LRRC7: variants seen among roughly 807,000 people sequenced by gnomAD.
LRRC7 encodes the protein leucine rich repeat containing 7, also known as leucine-rich repeat-containing protein 7.
LRRC7 carries 23 observed loss-of-function variants against 175.7 expected under a neutral mutation model. That is an observed-to-expected ratio of 0.13 (90% CI 0.09 to 0.19). The LOEUF is 0.19. Among genes scored for constraint, LRRC7 ranks in the 10% least tolerant of loss-of-function variants. The pLI is 1.00. For missense variants in LRRC7, 1,354 were observed against 1,904.7 expected, an observed-to-expected ratio of 0.71 and a Z score of 5.38; for synonymous variants, 685 against 680.9, an observed-to-expected ratio of 1.01 and a Z score of -0.09.
At chr1:69,614,218 G>A (rs767247353) in intron 1 of LRRC7, among the ~76,000 whole-genome samples, 31 of 151,948 alleles carry the variant, frequency 2.0e-4, no homozygotes, top group Non-Finnish European at 4.6e-4. Context: ...AGGAGCATTT[G>A]TTAATCACCT....
intron 2 of LRRC7, among the ~76,000 whole-genome samples, chr1:69,738,867 G>A (rs768923915): frequency 1.3e-5 from 2 of 152,008 alleles, no homozygotes; most frequent in East Asian, 1.9e-4. Context: ...AAGTAGATAG[G>A]CAGGAGAAAG....
chr1:69,648,908 C>T lies in LRRC7; in HGVS notation c.3-29473C>T, dbSNP rs137991370. Among the ~76,000 whole-genome samples the T allele has an allele frequency of 7.3e-3, 1,113 of 151,732 alleles. 11 individuals carry two copies. Among genetic ancestry groups the T allele is most frequent in the African/African-American group, 0.025 (1,043 of 41,320 alleles). On this transcript the variant is annotated intron_variant, in intron 1 of 26. Coordinates refer to ENST00000651989, the MANE Select transcript of LRRC7 (RefSeq NM_001370785.2). ...ACAAATAGTATATTTAAAGGTATCA[C>T]TATGAGAAAAGGCAAATGGGATTGT...
At chr1:70,019,831 TTAAG>T (rs1657296711) in intron 15 of LRRC7, among the ~76,000 whole-genome samples, 1 of 152,050 alleles carries the variant, frequency 6.6e-6, no homozygotes, top group African/African-American at 2.4e-5. Flanking sequence ...AAGAGACATC[TTAAG>T]TAAGGATTAT....
chr1:70,080,916 T>G (rs950964332), intron 24 of LRRC7, among the ~76,000 whole-genome samples: 7 of 152,196 alleles, frequency 4.6e-5, no homozygotes, highest in African/African-American at 1.7e-4. Context: ...CTATTAGATC[T>G]CTCCTTTGTG....
chr1:70,006,270 G>GT (rs938686419), intron 11 of LRRC7, among the ~76,000 whole-genome samples: 8 of 152,098 alleles, frequency 5.3e-5, no homozygotes, highest in African/African-American at 1.9e-4. Context: ...CAGTCAAAAT[G>GT]TTTTTTTAAT....
intron 25 of LRRC7, among the ~76,000 whole-genome samples, chr1:70,105,686 G>T (rs1665096438): frequency 6.6e-6 from 1 of 152,054 alleles, no homozygotes; most frequent in Admixed American, 6.6e-5. Flanking sequence ...TTATTAGACT[G>T]TTAAGTATAG....
intron 24 of LRRC7, among the ~76,000 whole-genome samples, chr1:70,076,614 G>A (rs1250380865): frequency 1.3e-5 from 2 of 152,190 alleles, no homozygotes; most frequent in Non-Finnish European, 2.9e-5. Context: ...GATTTTGAAT[G>A]TTATAAAGGA....
intron 1 of LRRC7, among the ~76,000 whole-genome samples, chr1:69,651,264 G>C (rs1451476636): frequency 6.6e-6 from 1 of 151,572 alleles, no homozygotes; most frequent in African/African-American, 2.4e-5. Context: ...GTTTAACCTG[G>C]TTTACAAATC....
At chr1:69,818,270 T>C (rs1200002616) in intron 4 of LRRC7, among the ~76,000 whole-genome samples, 2 of 152,120 alleles carry the variant, frequency 1.3e-5, no homozygotes, top group Non-Finnish European at 2.9e-5. Context: ...GCTTTTATTG[T>C]GTTGAAGTAC....
intron 1 of LRRC7, among the ~76,000 whole-genome samples, chr1:69,606,401 C>G (rs181193254): frequency 6.6e-6 from 1 of 152,106 alleles, no homozygotes; most frequent in Admixed American, 6.6e-5. Context: ...TTACTTTGCT[C>G]AAATATCATA....
At chr1:69,858,459 TA>T (rs965041563) in intron 7 of LRRC7, among the ~76,000 whole-genome samples, 10 of 151,498 alleles carry the variant, frequency 6.6e-5, no homozygotes, top group East Asian at 1.9e-4. Context: ...AGTATAATAA[TA>T]AAAAAAAATC....
At chr1:69,877,359 AG>A (rs983015201) in intron 7 of LRRC7, among the ~76,000 whole-genome samples, 6 of 152,296 alleles carry the variant, frequency 3.9e-5, no homozygotes, top group Admixed American at 6.5e-5. Context: ...AGGCCAAGGC[AG>A]GAGGATCACT....
chr1:69,834,960 T>A (rs1021336594), intron 6 of LRRC7, 91 bp downstream of exon 6: 11 of 966,176 alleles, frequency 1.1e-5, no homozygotes, highest in African/African-American at 1.7e-5. Flanking sequence ...AAAGTGTCAG[T>A]TGTGATTAAA....
At chr1:69,769,786 C>A (rs1672019341) in intron 3 of LRRC7, among the ~76,000 whole-genome samples, 1 of 152,022 alleles carries the variant, frequency 6.6e-6, no homozygotes. Context: ...AAAATAAAGA[C>A]AAATATAACA....
At chr1:69,755,669 A>G (rs1180132635) in intron 2 of LRRC7, among the ~76,000 whole-genome samples, 2 of 151,826 alleles carry the variant, frequency 1.3e-5, no homozygotes, top group Non-Finnish European at 2.9e-5. Flanking sequence ...CCTTCTTAGA[A>G]TCTTGGAAAT....
intron 22 of LRRC7, among the ~76,000 whole-genome samples, chr1:70,046,472 C>A (rs986475466): frequency 6.6e-6 from 1 of 151,980 alleles, no homozygotes; most frequent in Non-Finnish European, 1.5e-5. Flanking sequence ...AAAGACTCCA[C>A]CTCAAAATAA....
At chr1:69,879,170 CTG>C (rs1430889622) in intron 7 of LRRC7, among the ~76,000 whole-genome samples, 2 of 135,284 alleles carry the variant, frequency 1.5e-5, no homozygotes, top group Admixed American at 8.2e-5. Flanking sequence ...TGAGAAATCT[CTG>C]TGCTTTCCTC....
chr1:69,833,301 A>G (rs1400135231), intron 5 of LRRC7, among the ~76,000 whole-genome samples: 1 of 152,142 alleles, frequency 6.6e-6, no homozygotes, highest in Non-Finnish European at 1.5e-5. Flanking sequence ...GTTCAAAACC[A>G]TGCAAAACCA....
chr1:69,891,975 A>T (rs1032271398), intron 7 of LRRC7, among the ~76,000 whole-genome samples: 2 of 122,496 alleles, frequency 1.6e-5, no homozygotes, highest in Admixed American at 8.9e-5. Flanking sequence ...CTCATCACAA[A>T]AAAAGAAAAA....
Sources: gnomAD v4.1 joint callset for allele counts (sites outside exome capture counted in the v4.1 genomes callset) on GRCh38, gnomAD v4.1.1 for gene constraint, MANE v1.5 for transcripts, NCBI Gene and HGNC (gene_info 2026-07-23, HGNC 2026-07-21) for gene names.